The following RB1 variants were observed in gnomAD, a reference collection of about 807,000 sequenced individuals.
The protein encoded by RB1 is RB transcriptional corepressor 1.
Under a neutral mutation model 135.4 loss-of-function variants are expected in RB1, and 18 were observed. The observed-to-expected ratio is 0.13, with a 90% CI of 0.09 to 0.20. The LOEUF is 0.20. Among genes scored for constraint, RB1 ranks in the 10% least tolerant of loss-of-function variants. The pLI is 1.00. For missense variants in RB1, 868 were observed against 1,110.0 expected, an observed-to-expected ratio of 0.78 and a Z score of 3.10; for synonymous variants, 365 against 373.2, an observed-to-expected ratio of 0.98 and a Z score of 0.25.
At position 48,466,027 on chromosome 13, in the gene RB1, C is replaced by T. The variant is rs1332837437; in HGVS notation, c.2489+659C>T. On this transcript the variant is annotated intron_variant, in intron 23 of 26. Transcript: ENST00000267163. ...GGCTTGCTTAGGTAAACAAAGCAGCCGGGAAGCTCGAACTGGGTGGAGCCC... is the reference window on the plus strand; with the variant it reads ...GGCTTGCTTAGGTAAACAAAGCAGCTGGGAAGCTCGAACTGGGTGGAGCCC... Among the ~76,000 whole-genome samples, 1,150 of 149,536 alleles carry T rather than the reference C, an allele frequency of 7.7e-3. 9 individuals are homozygous for T. The highest frequency in any genetic ancestry group is 0.027 in the African/African-American group (1,109 of 40,858).
intron 2 of RB1, among the ~76,000 whole-genome samples, chr13:48,313,695 G>C (rs1952153680): frequency 6.6e-6 from 1 of 150,812 alleles, no homozygotes; most frequent in South Asian, 2.1e-4. Context: ...ATAAAAACCA[G>C]GGTTTATTTC....
chr13:48,413,667 C>T (rs569627024), intron 17 of RB1, among the ~76,000 whole-genome samples: 1 of 152,190 alleles, frequency 6.6e-6, no homozygotes, highest in East Asian at 1.9e-4. Flanking sequence ...TTTTGATAAG[C>T]AATTTTCTAA....
intron 2 of RB1, chr13:48,320,107 G>A: frequency 1.5e-6 from 1 of 685,578 alleles, no homozygotes; most frequent in Non-Finnish European, 2.5e-6. Context: ...CCCGGTCCAC[G>A]GAATCATCAT....
chr13:48,345,179 A>G lies in RB1; in HGVS notation c.480A>G (p.Ala160=), dbSNP rs776484051. ...TGAAGAAGTATGATGTATTGTTTGCACTCTTCAGCAAATTGGAAAGGTAAA... is the reference window on the plus strand; with the variant it reads ...TGAAGAAGTATGATGTATTGTTTGCGCTCTTCAGCAAATTGGAAAGGTAAA... The part of the protein sequence containing the change: ...RLLKKYDVLF[A]LFSKLERTCE... The change falls in exon 4 of 27, where the codon GCA becomes GCG. Residue 160 remains alanine, a synonymous_variant. Coordinates refer to ENST00000267163, the MANE Select transcript of RB1 (RefSeq NM_000321.3). 6.2e-7 allele frequency: 1 copy of G among 1,612,468 alleles called. No homozygotes were observed.
At chr13:48,388,046 T>G (rs767400236) in intron 17 of RB1, among the ~76,000 whole-genome samples, 1 of 152,232 alleles carries the variant, frequency 6.6e-6, no homozygotes, top group Non-Finnish European at 1.5e-5. Flanking sequence ...CATTCTTCCC[T>G]CATTTAGTCT....
chr13:48,447,515 C>T (rs190680742), intron 17 of RB1, among the ~76,000 whole-genome samples: 1 of 152,272 alleles, frequency 6.6e-6, no homozygotes, highest in African/African-American at 2.4e-5. Context: ...ATAATCACAA[C>T]CATAATAATA....
intron 5 of RB1, among the ~76,000 whole-genome samples, chr13:48,348,387 A>G (rs1380057505): frequency 2.0e-5 from 3 of 151,856 alleles, no homozygotes; most frequent in Non-Finnish European, 3.0e-5. Context: ...ATAAAGGGAA[A>G]TTGTATATTT....
intron 17 of RB1, among the ~76,000 whole-genome samples, chr13:48,397,087 C>G (rs1340608772): frequency 6.6e-6 from 1 of 152,056 alleles, no homozygotes; most frequent in African/African-American, 2.4e-5. Flanking sequence ...GACAGTGTGG[C>G]GATTCCTCAA....
chr13:48,351,434 T>A (rs890970828), intron 6 of RB1, among the ~76,000 whole-genome samples: 1 of 151,870 alleles, frequency 6.6e-6, no homozygotes, highest in African/African-American at 2.4e-5. Flanking sequence ...GTGGGGTTGG[T>A]TTTTTTTCTC....
rs1649979218 is a variant in RB1 at position 48,452,994 on chromosome 13, A to G, written c.1697A>G (p.Asp566Gly). ...TTAATTTCATCATGTTTCATATAGG[A>G]TTCACCTTTATTTGATCTTATTAAA... is the stretch of plus-strand genomic sequence containing the variant. ...RIMESLAWLS[D>G]SPLFDLIKQS... The change falls in exon 18 of 27, where the codon GAT (aspartate) becomes GGT (glycine). Residue 566 changes from aspartate (D) to glycine (G), a missense_variant and splice_region_variant. Transcript: ENST00000267163. 6.2e-7 allele frequency: 1 copy of G among 1,612,338 alleles called. No homozygotes were observed. Among genetic ancestry groups the G allele is most frequent in the African/African-American group, 1.3e-5 (1 of 74,882 alleles).
Position 48,344,346 on chromosome 13 carries a change from C to T in RB1, c.381-734C>T, listed in dbSNP as rs376546625. Among the ~76,000 whole-genome samples, 7 of 152,108 alleles carry T rather than the reference C, an allele frequency of 4.6e-5. No individual in the cohort carries two copies. In the East Asian group the frequency reaches 1.4e-3, roughly 29 times the overall value. On this transcript the variant is annotated intron_variant, in intron 3 of 26. Transcript: ENST00000267163. ...CTCTGACAGGAGGGTGCCACAGGGC[C>T]CAGAGCAGGATGTTAGAGTCAAAGT...
chr13:48,354,891 A>C lies in RB1; in HGVS notation c.608-5126A>C, dbSNP rs183256543. Among the ~76,000 whole-genome samples the C allele has an allele frequency of 6.2e-4, 95 of 152,206 alleles. 1 individual carries two copies. Among genetic ancestry groups the C allele is most frequent in the African/African-American group, 2.3e-3 (95 of 41,562 alleles). ...TGCAGAAGAATGAAACTAGACCCCT[A>C]TCTGTCACCATATACAAAAATCAAA... On this transcript the variant is annotated intron_variant, in intron 6 of 26. Transcript: ENST00000267163.
intron 23 of RB1, among the ~76,000 whole-genome samples, chr13:48,472,572 G>C (rs182383143): frequency 4.6e-5 from 7 of 152,030 alleles, no homozygotes; most frequent in African/African-American, 1.7e-4. Flanking sequence ...GCTACTTGCT[G>C]ATCCTTAGTG....
chr13:48,321,353 C>T (rs1483138710), intron 2 of RB1, among the ~76,000 whole-genome samples: 1 of 33,480 alleles, frequency 3.0e-5, no homozygotes, highest in Non-Finnish European at 5.6e-5. Flanking sequence ...GGCTCCCGCG[C>T]GGGGAGGAGG....
intron 23 of RB1, among the ~76,000 whole-genome samples, chr13:48,465,899 A>G (rs1949439384): frequency 6.7e-6 from 1 of 149,164 alleles, no homozygotes; most frequent in Admixed American, 6.7e-5. Flanking sequence ...CCTGGCTCAG[A>G]GGGTCCTACG....
intron 2 of RB1, among the ~76,000 whole-genome samples, chr13:48,315,069 G>C (rs538225494): frequency 1.3e-5 from 2 of 151,580 alleles, no homozygotes; most frequent in South Asian, 4.2e-4. Context: ...TCCTAACTCT[G>C]TGAATAATGT....
chr13:48,310,420 T>C (rs1444901323), intron 2 of RB1, among the ~76,000 whole-genome samples: 1 of 152,166 alleles, frequency 6.6e-6, no homozygotes. Context: ...AGATATACCA[T>C]GTCCGAACTC....
chr13:48,407,107 A>T (rs1030538370), intron 17 of RB1, among the ~76,000 whole-genome samples: 1 of 152,202 alleles, frequency 6.6e-6, no homozygotes, highest in Non-Finnish European at 1.5e-5. Flanking sequence ...CATTTACCCC[A>T]TGGCTATTAA....
chr13:48,383,581 C>T lies in RB1; in HGVS notation c.1695+2138C>T, dbSNP rs932227754. Among the ~76,000 whole-genome samples the T allele has an allele frequency of 3.9e-5, 6 of 151,938 alleles. No homozygotes were observed. In the South Asian group the frequency reaches 8.3e-4, roughly 21 times the overall value. On this transcript the variant is annotated intron_variant, in intron 17 of 26. Coordinates refer to ENST00000267163, the MANE Select transcript of RB1 (RefSeq NM_000321.3). Reference sequence around the variant, plus strand: ...ACGTTTTGAATTTTTAATGACTAAGCGATAATTTATTTCTTAGTGTTTTCT... The same window carrying T: ...ACGTTTTGAATTTTTAATGACTAAGTGATAATTTATTTCTTAGTGTTTTCT...
Sources: allele counts gnomAD v4.1 joint callset (sites outside exome capture counted in the v4.1 genomes callset), GRCh38; gene constraint gnomAD v4.1.1; transcripts MANE v1.5; gene names NCBI Gene and HGNC (gene_info 2026-07-23, HGNC 2026-07-21).